AGPAT2: variants seen among roughly 807,000 people sequenced by gnomAD.
The protein encoded by AGPAT2 is 1-acyl-sn-glycerol-3-phosphate acyltransferase beta.
In AGPAT2, 18 loss-of-function variants were observed where a neutral mutation model predicts 26.1. The observed-to-expected ratio is 0.69, with a 90% confidence interval of 0.48 to 1.02. AGPAT2 has a LOEUF of 1.02. Ranked by LOEUF, AGPAT2 falls within the 50% of genes least tolerant of loss-of-function variation. The probability of loss-of-function intolerance (pLI) is 0.00; values close to 1 mark genes in which losing one functional copy is unlikely to be tolerated. For synonymous variants in AGPAT2, 200 were observed against 174.2 expected (o/e 1.15, Z -1.16); for missense variants, 415 against 394.9 (o/e 1.05, Z -0.43).
rs749592042 is a variant in AGPAT2, at chr9:136,673,718, G to C, written c.*34C>G. 13 of 1,526,816 alleles carry C rather than the reference G, an allele frequency of 8.5e-6. No individual in the cohort carries two copies. The highest frequency in any genetic ancestry group is 1.1e-5 in the Non-Finnish European group (12 of 1,131,254). The allele number at this position is 1,526,816 out of a possible 1,614,324, so 94.6% of individuals were successfully genotyped here. A position where few individuals can be genotyped will look rare whatever the true frequency, so the allele number is the denominator to read the frequency against. The stretch of plus-strand genomic sequence containing the variant: ...ATCCTCCAGCCATCGGCTTCCACCT[G>C]CCCTCCCCAGGTCATGCCCTGCCGT... On this transcript the variant is annotated 3_prime_UTR_variant, in exon 6 of 6. Coordinates refer to ENST00000371696, the MANE Select transcript of AGPAT2 (RefSeq NM_006412.4).
chr9:136,679,149 G>A (rs1361261529), intron 1 of AGPAT2, among the ~76,000 whole-genome samples: 3 of 152,218 alleles, frequency 2.0e-5, no homozygotes, highest in African/African-American at 7.2e-5. Context: ...CACATTCGGT[G>A]TCTAGCAGCC....
chr9:136,680,992 C>T (rs1465326150), intron 1 of AGPAT2, among the ~76,000 whole-genome samples: 4 of 152,164 alleles, frequency 2.6e-5, no homozygotes, highest in East Asian at 3.8e-4. Context: ...TGGTATAACA[C>T]GCACCACCTA....
Position 136,687,443 on chromosome 9 carries a change from G to T in AGPAT2, c.-86C>A, listed in dbSNP as rs1846239765. 3 of 1,185,966 alleles carry T rather than the reference G, an allele frequency of 2.5e-6. No individual in the cohort carries two copies. Among genetic ancestry groups the T allele is most frequent in the Non-Finnish European group, 2.2e-6 (2 of 920,610 alleles). 73.5% of individuals were successfully genotyped at this position (1,185,966 alleles called of 1,614,324 possible). On this transcript the variant is annotated 5_prime_UTR_variant, in exon 1 of 6. Transcript: ENST00000371696. ...CCCGCGCGCTCAGGCCCCTTATTGCGAGGGCGGCGGGGCTGGGCGGGGCGG... is the reference window on the plus strand; with the variant it reads ...CCCGCGCGCTCAGGCCCCTTATTGCTAGGGCGGCGGGGCTGGGCGGGGCGG...
chr9:136,674,860 A>G, intron 4 of AGPAT2, 53 bp from the exon 5 acceptor site: 2 of 1,347,538 alleles, frequency 1.5e-6, no homozygotes, highest in Non-Finnish European at 2.0e-6. Context: ...GGCCAGGCAC[A>G]CCCCAGGCTG....
chr9:136,677,634 G>T (rs1846111170), intron 1 of AGPAT2, 78 bp from the exon 2 acceptor site: 2 of 1,578,516 alleles, frequency 1.3e-6, no homozygotes, highest in Non-Finnish European at 1.7e-6. Context: ...TGGGGGTGGG[G>T]TGTGGAGGAG....
At position 136,687,274 on chromosome 9, in the gene AGPAT2, G is replaced by A. The variant is rs1332119400; in HGVS notation, c.84C>T (p.Ala28=). ...VQLSRAAEFY[A]KVALYCALCF... ...ACAGCGCGCAGTACAGGGCGACCTT[G>A]GCGTAGAACTCGGCCGCGCGGCTCA... Residue 28 remains alanine (A), a synonymous_variant, in exon 1 of 6, where the codon GCC becomes GCT. Coordinates refer to ENST00000371696, the MANE Select transcript of AGPAT2 (RefSeq NM_006412.4). 56 of 1,587,720 alleles carry A rather than the reference G, an allele frequency of 3.5e-5. No homozygotes were observed. Among genetic ancestry groups the A allele is most frequent in the Non-Finnish European group, 4.8e-5 (56 of 1,171,268 alleles).
At chr9:136,685,651 A>G (rs933219410) in intron 1 of AGPAT2, among the ~76,000 whole-genome samples, 2 of 152,128 alleles carry the variant, frequency 1.3e-5, no homozygotes, top group Non-Finnish European at 2.9e-5. Context: ...GATGCCCTGC[A>G]GGCATCAGAA....
At chr9:136,676,051 C>T (rs1588262907) in intron 4 of AGPAT2, among the ~76,000 whole-genome samples, 1 of 152,298 alleles carries the variant, frequency 6.6e-6, no homozygotes, top group South Asian at 2.1e-4. Flanking sequence ...AATGGCTATA[C>T]CCTGGCCTCT....
In AGPAT2 at chr9:136,673,763, G is replaced by C; in HGVS notation, c.826C>G (p.Pro276Ala). The C allele has an allele frequency of 1.3e-6, 2 of 1,594,724 alleles. No individual in the cohort carries two copies. Among genetic ancestry groups the C allele is most frequent in the Non-Finnish European group, 1.7e-6 (2 of 1,172,054 alleles). ...NGATAGSGVQPAQ is the reference protein window; with the variant it reads ...NGATAGSGVQAAQ Reference sequence around the variant, plus strand: ...TGCCGTGGTCTGGGCTACTGGGCCGGCTGCACGCCAGACCCCGCAGTGGCC... The same window carrying C: ...TGCCGTGGTCTGGGCTACTGGGCCGCCTGCACGCCAGACCCCGCAGTGGCC... Residue 276 changes from proline to alanine, a missense_variant, in exon 6 of 6, where the codon CCG (proline) becomes GCG (alanine). Coordinates refer to ENST00000371696, the MANE Select transcript of AGPAT2 (RefSeq NM_006412.4).
At chr9:136,674,384 G>C (rs1377942578) in intron 5 of AGPAT2, among the ~76,000 whole-genome samples, 1 of 152,068 alleles carries the variant, frequency 6.6e-6, no homozygotes, top group East Asian at 1.9e-4. Flanking sequence ...CTGTGCCCCT[G>C]GGCTGCCTGG....
chr9:136,685,276 C>T (rs1265714650), intron 1 of AGPAT2, among the ~76,000 whole-genome samples: 1 of 152,236 alleles, frequency 6.6e-6, no homozygotes. Context: ...CATCCAAGCA[C>T]CATCAGAGGC....
Position 136,673,761 on chromosome 9 carries a change from C to T in AGPAT2, c.828G>A (p.Pro276=), listed in dbSNP as rs1208422773. ...NGATAGSGVQ[P]AQ ...CCTGCCGTGGTCTGGGCTACTGGGC[C>T]GGCTGCACGCCAGACCCCGCAGTGG... The change falls in exon 6 of 6, where the codon CCG becomes CCA. Residue 276 remains proline (P), a synonymous_variant. Transcript: ENST00000371696. The T allele has an allele frequency of 2.1e-5, 33 of 1,593,568 alleles. No individual in the cohort carries two copies. Among genetic ancestry groups the T allele is most frequent in the East Asian group, 1.6e-4 (7 of 44,120 alleles).
rs1846201499 is a variant in AGPAT2, at chr9:136,684,706, G to A, written c.182+2470C>T. Reference sequence around the variant, plus strand: ...GAAAGGGAAAAGCAGGTACTCTGGAGTCACTGTCAGTGGGTTCGAACCCCA... The same window carrying A: ...GAAAGGGAAAAGCAGGTACTCTGGAATCACTGTCAGTGGGTTCGAACCCCA... On this transcript the variant is annotated intron_variant, in intron 1 of 5. Transcript: ENST00000371696. 2.6e-5 allele frequency among the ~76,000 whole-genome samples: 4 copies of A among 152,360 alleles called. No individual in the cohort carries two copies. The South Asian group carries it at 8.3e-4, about 32-fold the overall frequency.
chr9:136,680,406 T>G (rs1846143998), intron 1 of AGPAT2, among the ~76,000 whole-genome samples: 1 of 152,112 alleles, frequency 6.6e-6, no homozygotes, highest in African/African-American at 2.4e-5. Context: ...TTTGTATTTT[T>G]AGTAGAGACG....
intron 1 of AGPAT2, among the ~76,000 whole-genome samples, chr9:136,679,926 G>A (rs1321063675): frequency 1.3e-5 from 2 of 152,242 alleles, no homozygotes; most frequent in African/African-American, 2.4e-5. Context: ...TTCGCCCGAC[G>A]GCTGGAGTGA....
intron 4 of AGPAT2, 52 bp from the exon 5 acceptor site, chr9:136,674,859 C>T (rs368795858): frequency 2.3e-5 from 31 of 1,368,638 alleles, no homozygotes; most frequent in African/African-American, 3.0e-5. Context: ...AGGCCAGGCA[C>T]ACCCCAGGCT....
rs1846103197 is a variant in AGPAT2 at position 136,677,153 on chromosome 9, C to CA, written c.317-18dup. On this transcript the variant is annotated splice_polypyrimidine_tract_variant and intron_variant, in intron 2 of 5. Transcript: ENST00000371696. ...CCATGAGGCCTGGGAGACAGAGAGA[C>CA]AGAGACAGAGAGAGAGGGGGAGACA... 1 of 1,612,068 alleles carries CA rather than the reference C, an allele frequency of 6.2e-7. No homozygotes were observed. The highest frequency in any genetic ancestry group is 1.7e-5 in the Admixed American group (1 of 59,990).
At chr9:136,682,230 G>T (rs56331327) in intron 1 of AGPAT2, among the ~76,000 whole-genome samples, 3,515 of 151,838 alleles carry the variant, frequency 0.023, 147 homozygotes, top group African/African-American at 0.079. Flanking sequence ...CCCGGGCTCC[G>T]CAGTCCCCTC....
At chr9:136,678,103 C>T (rs368669339) in intron 1 of AGPAT2, among the ~76,000 whole-genome samples, 2 of 152,208 alleles carry the variant, frequency 1.3e-5, no homozygotes, top group Admixed American at 6.5e-5. Context: ...GAGCCGAGAC[C>T]GAGACCCTCT....
Sources: allele counts gnomAD v4.1 joint callset (sites outside exome capture counted in the v4.1 genomes callset), GRCh38; gene constraint gnomAD v4.1.1; transcripts MANE v1.5; gene names NCBI Gene and HGNC (gene_info 2026-07-23, HGNC 2026-07-21).